PKD1: variants seen among roughly 807,000 people sequenced by gnomAD.
PKD1 encodes the protein polycystin 1, transient receptor potential channel interacting, also known as polycystin-1.
Under a neutral mutation model 361.7 loss-of-function variants are expected in PKD1, and 81 were observed. The ratio of observed to expected loss-of-function variants is 0.22; its 90% CI spans 0.19 to 0.27. The LOEUF (loss-of-function observed/expected upper bound fraction) is 0.27. Ranked by LOEUF, PKD1 falls within the 10% of genes least tolerant of loss-of-function variation. The pLI, the probability that PKD1 is intolerant of heterozygous loss-of-function variation, is 1.00. For missense variants in PKD1, 6,399 were observed against 6,118.3 expected, an observed-to-expected ratio of 1.05 and a Z score of -1.53; for synonymous variants, 3,615 against 2,818.3, an observed-to-expected ratio of 1.28 and a Z score of -8.95.
At position 2,105,994 on chromosome 16, in the gene PKD1, G is replaced by A. The variant is rs776513110; in HGVS notation, c.7734C>T (p.Asn2578=). The change falls in exon 20 of 46, where the codon AAC becomes AAT. Residue 2578 remains asparagine (N), a synonymous_variant. Coordinates refer to ENST00000262304, the MANE Select transcript of PKD1 (RefSeq NM_001009944.3). ...AGACTGTGAGCCCCGTTGCGCTGCC[G>A]TTGGGCTCTGGGAGGGTGATGGCCA... ...RSLAITLPEP[N]GSATGLTVWL... 3.1e-5 allele frequency: 49 copies of A among 1,604,336 alleles called. No homozygotes were observed. The highest frequency in any genetic ancestry group is 1.0e-4 in the Admixed American group (6 of 59,978).
chr16:2,125,762 G>A (rs947796836), intron 1 of PKD1, among the ~76,000 whole-genome samples: 1 of 151,870 alleles, frequency 6.6e-6, no homozygotes, highest in Non-Finnish European at 1.5e-5. Flanking sequence ...ATGAGGGCCG[G>A]CTCCTGGTGC....
In PKD1 at chr16:2,089,304, C is replaced by T. The variant is rs190152551; in HGVS notation, c.*423G>A. On this transcript the variant is annotated 3_prime_UTR_variant, in exon 46 of 46. Coordinates refer to ENST00000262304, the MANE Select transcript of PKD1 (RefSeq NM_001009944.3). ...TACTGACACGAGACACACAGTGAGA[C>T]GGTGCAGGGAGTACGGTAGGAACTG... 12 of 240,614 alleles carry T rather than the reference C, an allele frequency of 5.0e-5. No individual in the cohort carries two copies. The highest frequency in any genetic ancestry group is 1.6e-4 in the African/African-American group (7 of 44,406). 14.9% of individuals were successfully genotyped at this position (240,614 alleles called of 1,614,324 possible). A position where few individuals can be genotyped will look rare whatever the true frequency, so the allele number is the denominator to read the frequency against.
rs978445728 is a variant in PKD1, at chr16:2,115,703, A to C, written c.1850-78T>G. Reference sequence around the variant, plus strand: ...GAGATGCCCAACTGCCTGCACCAGCAATCCTGGCCTTGCTGTGAGGACAGG... The same window carrying C: ...GAGATGCCCAACTGCCTGCACCAGCCATCCTGGCCTTGCTGTGAGGACAGG... On this transcript the variant is annotated intron_variant, in intron 9 of 45. Coordinates refer to ENST00000262304, the MANE Select transcript of PKD1 (RefSeq NM_001009944.3). 6.5e-6 allele frequency: 9 copies of C among 1,391,584 alleles called. No homozygotes were observed. In the African/African-American group the frequency reaches 1.0e-4, roughly 16 times the overall value. 86.2% of individuals were successfully genotyped at this position (1,391,584 alleles called of 1,614,324 possible).
chr16:2,112,950 T>G lies in PKD1; in HGVS notation c.2999A>C (p.Asn1000Thr). Residue 1000 changes from asparagine to threonine, a missense_variant, in exon 13 of 46, where the codon AAC becomes ACC. Coordinates refer to ENST00000262304, the MANE Select transcript of PKD1 (RefSeq NM_001009944.3). ...GTTCACGGTGACGTTGCTCACGTGG[T>G]TGGAGGCCGTCAGCTGCAGGGACAG... is the stretch of plus-strand genomic sequence containing the variant. ...AVFKLSLTAS[N>T]HVSNVTVNYN... The G allele has an allele frequency of 6.2e-7, 1 of 1,600,736 alleles. No homozygotes were observed.
Position 2,100,884 on chromosome 16 carries a change from C to T in PKD1, c.9398-318G>A. ...TGTCCACGCCTCAGTCATGCCACAA[C>T]CGGTGACCCGCACCACACACCCGTC... On this transcript the variant is annotated intron_variant, in intron 26 of 45. Coordinates refer to ENST00000262304, the MANE Select transcript of PKD1 (RefSeq NM_001009944.3). This position sits in a 1 kb window ranked among gnomAD's most constrained non-coding sequence, Gnocchi z 4.4. 2 of 459,036 alleles carry T rather than the reference C, an allele frequency of 4.4e-6. No individual in the cohort carries two copies. Among genetic ancestry groups the T allele is most frequent in the East Asian group, 4.3e-5 (1 of 23,220 alleles). 28.4% of individuals were successfully genotyped at this position (459,036 alleles called of 1,614,324 possible).
chr16:2,106,237 C>T lies in PKD1; in HGVS notation c.7557G>A (p.Gln2519=). ...AGACACAGAACTCCTCGCAGTGGCC[C>T]TGGCGACAGCGCCGCAGCAGCAGGG... ...VYALLLRRCR[Q]GHCEEFCVYK... The change falls in exon 19 of 46, where the codon CAG becomes CAA. Residue 2519 remains glutamine (Q), a synonymous_variant. Transcript: ENST00000262304. The surrounding 1 kb of genome is among the most constrained non-coding windows in gnomAD (Gnocchi z 6.5). 1.2e-6 allele frequency: 2 copies of T among 1,610,226 alleles called. No homozygotes were observed. The highest frequency in any genetic ancestry group is 8.5e-7 in the Non-Finnish European group (1 of 1,179,568).
At position 2,090,065 on chromosome 16, in the gene PKD1, TGGA is replaced by T. The variant is rs769826968; in HGVS notation, c.12571_12573del (p.Ser4192del). On this transcript the variant is annotated inframe_deletion, in exon 46 of 46. Transcript: ENST00000262304. ...CTCACGCTCAGCCCATCCAGCTGGCTGGAGGAGGTGGAGGGGTGCGAGGCATCG... is the reference window on the plus strand; with the variant it reads ...CTCACGCTCAGCCCATCCAGCTGGCTGGAGGTGGAGGGGTGCGAGGCATCG... The T allele has an allele frequency of 1.1e-5, 18 of 1,610,536 alleles. No individual in the cohort carries two copies. The highest frequency in any genetic ancestry group is 1.7e-5 in the Admixed American group (1 of 59,884).
chr16:2,092,988 C>T lies in PKD1; in HGVS notation c.11122G>A (p.Glu3708Lys). The T allele has an allele frequency of 6.2e-7, 1 of 1,613,008 alleles. No individual in the cohort carries two copies. The change falls in exon 38 of 46, where the codon GAG (glutamate) becomes AAG (lysine). Residue 3708 changes from glutamate to lysine, a missense_variant. Glu to Lys is a moderately conservative substitution (Grantham distance 56). Coordinates refer to ENST00000262304, the MANE Select transcript of PKD1 (RefSeq NM_001009944.3). ...GCCAGGAAGGCCCGGCTGTGCAGCT[C>T]CTGCTTGATGGCGCTTTGCAGACGG... Reference protein sequence around the residue: ...AYRLQSAIKQELHSRAFLAIT... With the variant: ...AYRLQSAIKQKLHSRAFLAIT...
chr16:2,129,726 AT>A (rs1299378957), intron 1 of PKD1, among the ~76,000 whole-genome samples: 1 of 149,852 alleles, frequency 6.7e-6, no homozygotes, highest in Non-Finnish European at 1.5e-5. Flanking sequence ...ATGTTCTTTT[AT>A]TTTTTAGAGA....
In PKD1 at chr16:2,118,192, T is replaced by C. The variant is rs2092670972; in HGVS notation, c.800A>G (p.His267Arg). The stretch of plus-strand genomic sequence containing the variant: ...GGCCCCTGGGGAGGCAGGGAAGACG[T>C]GCTGGAGGAGGGTGGGGCCCCTACA... ...PTCRGPTLLQHVFPASPGATL... is the reference protein window; with the variant it reads ...PTCRGPTLLQRVFPASPGATL... Residue 267 changes from histidine (H) to arginine (R), a missense_variant, in exon 5 of 46, where the codon CAC becomes CGC. Transcript: ENST00000262304. The surrounding 1 kb of genome is among the most constrained non-coding windows in gnomAD (Gnocchi z 6.0). 7.7e-6 allele frequency: 12 copies of C among 1,548,464 alleles called. No individual in the cohort carries two copies. The highest frequency in any genetic ancestry group is 6.8e-5 in the African/African-American group (5 of 73,174).
In PKD1 at chr16:2,111,209, T is replaced by A; in HGVS notation, c.3958A>T (p.Asn1320Tyr). 1 of 1,611,336 alleles carries A rather than the reference T, an allele frequency of 6.2e-7. No homozygotes were observed. The highest frequency in any genetic ancestry group is 8.5e-7 in the Non-Finnish European group (1 of 1,179,692). The change falls in exon 15 of 46, where the codon AAC becomes TAC. Residue 1320 changes from asparagine to tyrosine, a missense_variant. Physicochemically the swap from Asn to Tyr is moderately radical, Grantham distance 143 (BLOSUM62 -2). Transcript: ENST00000262304. Reference sequence around the variant, plus strand: ...CAGTCGAAGAGGTAGTGGGCCGGGTTCCCGGTGACGTAGGCCGTGAGCCGC... The same window carrying A: ...CAGTCGAAGAGGTAGTGGGCCGGGTACCCGGTGACGTAGGCCGTGAGCCGC... ...DARLTAYVTGNPAHYLFDWTF... is the reference protein window; with the variant it reads ...DARLTAYVTGYPAHYLFDWTF...
In PKD1 at chr16:2,089,627, T is replaced by G. The variant is rs980518122; in HGVS notation, c.*100A>C. 1 of 1,417,872 alleles carries G rather than the reference T, an allele frequency of 7.1e-7. No homozygotes were observed. The highest frequency in any genetic ancestry group is 9.7e-7 in the Non-Finnish European group (1 of 1,035,684). The allele number at this position is 1,417,872 out of a possible 1,614,324, so 87.8% of individuals were successfully genotyped here. On this transcript the variant is annotated 3_prime_UTR_variant, in exon 46 of 46. Coordinates refer to ENST00000262304, the MANE Select transcript of PKD1 (RefSeq NM_001009944.3). Reference sequence around the variant, plus strand: ...CTGCCTGCTCTCTGGGGAACCTACGTGCAGCCATTCTGCCTGGCCCTCGGC... The same window carrying G: ...CTGCCTGCTCTCTGGGGAACCTACGGGCAGCCATTCTGCCTGGCCCTCGGC...
At chr16:2,132,890 T>C (rs2092904115) in intron 1 of PKD1, among the ~76,000 whole-genome samples, 1 of 150,198 alleles carries the variant, frequency 6.7e-6, no homozygotes, top group Non-Finnish European at 1.5e-5. Flanking sequence ...AAGACCAGCC[T>C]GACCAATATG....
At position 2,091,319 on chromosome 16, in the gene PKD1, G is replaced by A. The variant is rs1452931436; in HGVS notation, c.11712+104C>T. The A allele has an allele frequency of 5.7e-5, 20 of 349,784 alleles. 2 individuals carry two copies. In the Admixed American group the frequency reaches 6.0e-4, roughly 11 times the overall value. The allele number at this position is 349,784 out of a possible 1,614,324, so 21.7% of individuals were successfully genotyped here. ...CTGCGAGGGGGCGGGACGCTGCGAGGGGGCGGGGCGCTGCGAGGGGTGAGA... is the reference window on the plus strand; with the variant it reads ...CTGCGAGGGGGCGGGACGCTGCGAGAGGGCGGGGCGCTGCGAGGGGTGAGA... On this transcript the variant is annotated intron_variant, in intron 42 of 45. Transcript: ENST00000262304.
chr16:2,104,694 A>C (rs2092266247), intron 21 of PKD1, 52 bp from the exon 22 acceptor site: 2 of 1,062,336 alleles, frequency 1.9e-6, no homozygotes, highest in African/African-American at 1.8e-5. Context: ...CTCCTTGCAC[A>C]CGCCCTCCTC....
intron 16 of PKD1, chr16:2,107,515 C>G: frequency 2.5e-6 from 1 of 399,108 alleles, no homozygotes; most frequent in Non-Finnish European, 4.8e-6. Context: ...GTCACCAAGC[C>G]TCCTGGCCGG....
intron 1 of PKD1, chr16:2,135,089 C>T (rs2092934975): frequency 1.0e-6 from 1 of 975,232 alleles, no homozygotes; most frequent in Non-Finnish European, 1.2e-6. Context: ...CTTTTCCAGA[C>T]ACCTCCTGGA....
Position 2,091,596 on chromosome 16 carries a change from T to C in PKD1, c.11539A>G (p.Ser3847Gly). The change falls in exon 42 of 46, where the codon AGC becomes GGC. Residue 3847 changes from serine (S) to glycine (G), a missense_variant and splice_region_variant. Coordinates refer to ENST00000262304, the MANE Select transcript of PKD1 (RefSeq NM_001009944.3). Reference protein sequence around the residue: ...LQLHNWLDNRSRAVFLELTRY... With the variant: ...LQLHNWLDNRGRAVFLELTRY... ...GTGAGCTCCAGGAACACAGCGCGGC[T>C]CCTGCGCAGAGGGTGCGGGTCAGTA... is the stretch of plus-strand genomic sequence containing the variant. The C allele has an allele frequency of 6.4e-7, 1 of 1,558,546 alleles. No individual in the cohort carries two copies. Among genetic ancestry groups the C allele is most frequent in the Non-Finnish European group, 8.6e-7 (1 of 1,160,732 alleles).
chr16:2,124,438 G>A (rs1007188379), intron 1 of PKD1, among the ~76,000 whole-genome samples: 2 of 152,252 alleles, frequency 1.3e-5, no homozygotes, highest in African/African-American at 4.8e-5. Flanking sequence ...GGCAGGGCCG[G>A]GAAGTCTTGG....
Sources: allele counts gnomAD v4.1 joint callset (sites outside exome capture counted in the v4.1 genomes callset), GRCh38; gene constraint gnomAD v4.1.1; non-coding constraint Gnocchi (gnomAD v3.1); transcripts MANE v1.5; gene names NCBI Gene and HGNC (gene_info 2026-07-23, HGNC 2026-07-21).